Variants in DCDC2C observed in about 807,000 individuals in gnomAD.
DCDC2C encodes doublecortin domain-containing protein 2C.
In DCDC2C, 44 loss-of-function variants were observed where a neutral mutation model predicts 45.0. The observed-to-expected ratio is 0.98, with a 90% CI of 0.77 to 1.26. The LOEUF (loss-of-function observed/expected upper bound fraction) is 1.26. Ranked by LOEUF, DCDC2C falls within the 50% of genes most tolerant of loss-of-function variation. The pLI, the probability that DCDC2C is intolerant of heterozygous loss-of-function variation, is 0.00. For synonymous variants in DCDC2C, 187 were observed against 178.8 expected (o/e 1.05, Z -0.37); for missense variants, 447 against 468.9 (o/e 0.95, Z 0.43).
chr2:3,790,291 T>C (rs1429829709), intron 10 of DCDC2C, among the ~76,000 whole-genome samples: 3 of 152,148 alleles, frequency 2.0e-5, no homozygotes, highest in African/African-American at 4.8e-5. Context: ...ATGATCAAAG[T>C]GGTGGTTTAT....
chr2:3,729,236 C>G (rs1330687364), intron 3 of DCDC2C, among the ~76,000 whole-genome samples: 1 of 152,128 alleles, frequency 6.6e-6, no homozygotes, highest in Non-Finnish European at 1.5e-5. Context: ...GAGCCTGAGA[C>G]CAGAGGGAGA....
chr2:3,753,013 A>G, intron 5 of DCDC2C, 113 bp downstream of exon 5: 1 of 1,194,580 alleles, frequency 8.4e-7, no homozygotes, highest in Non-Finnish European at 1.1e-6. Context: ...CAGTAGTGAA[A>G]TGTAATATTC....
chr2:3,717,853 A>G (rs2148056227), intron 2 of DCDC2C, among the ~76,000 whole-genome samples: 1 of 152,264 alleles, frequency 6.6e-6, no homozygotes, highest in Middle Eastern at 3.4e-3. Context: ...GGTTTTGTGC[A>G]TGCTGTTCCT....
chr2:3,719,093 T>A (rs1034230766), intron 2 of DCDC2C, among the ~76,000 whole-genome samples: 40 of 149,684 alleles, frequency 2.7e-4, no homozygotes, highest in Admixed American at 1.6e-3. Flanking sequence ...GCTGTTTCCT[T>A]TTTTTTTTTT....
At chr2:3,751,054 T>C (rs1276701466) in intron 4 of DCDC2C, among the ~76,000 whole-genome samples, 1 of 152,240 alleles carries the variant, frequency 6.6e-6, no homozygotes, top group Non-Finnish European at 1.5e-5. Context: ...GTATTTCTAC[T>C]TGCTTCTGTT....
In DCDC2C at chr2:3,734,140, G is replaced by A. The variant is rs1261205472; in HGVS notation, c.416+7061G>A. On this transcript the variant is annotated intron_variant, in intron 3 of 10. Transcript: ENST00000399143. The surrounding 1 kb of genome is among the most constrained non-coding windows in gnomAD (Gnocchi z 4.2). ...CATTTCCGTGGCACACCAACATCAC[G>A]TACTGCCCCAAAGGCATGGCGGCTG... is the stretch of plus-strand genomic sequence containing the variant. 2.6e-5 allele frequency among the ~76,000 whole-genome samples: 4 copies of A among 152,172 alleles called. No individual in the cohort carries two copies. The East Asian group carries it at 7.7e-4, about 29-fold the overall frequency.
intron 2 of DCDC2C, among the ~76,000 whole-genome samples, chr2:3,725,637 T>C (rs1423418258): frequency 7.9e-6 from 1 of 125,854 alleles, no homozygotes; most frequent in Non-Finnish European, 1.7e-5. Flanking sequence ...GTGACGAGGA[T>C]GGCCAGGTGG....
At chr2:3,809,261 TC>T (rs1277738167) in intron 10 of DCDC2C, among the ~76,000 whole-genome samples, 2 of 152,228 alleles carry the variant, frequency 1.3e-5, no homozygotes, top group African/African-American at 4.8e-5. Flanking sequence ...ATGTGACTTG[TC>T]AATTTCTGTA....
chr2:3,749,407 C>T (rs1029670896), intron 4 of DCDC2C, among the ~76,000 whole-genome samples: 3 of 152,204 alleles, frequency 2.0e-5, no homozygotes, highest in African/African-American at 7.2e-5. Flanking sequence ...CGCCGTTCTC[C>T]GTATGTGATG....
At chr2:3,813,038 CGT>C (rs1558238578) in intron 10 of DCDC2C, among the ~76,000 whole-genome samples, 15 of 29,988 alleles carry the variant, frequency 5.0e-4, no homozygotes, top group South Asian at 2.2e-3. Flanking sequence ...CTGAGAAGAA[CGT>C]ATATATATAT....
At chr2:3,740,804 C>T (rs1669181658) in intron 3 of DCDC2C, among the ~76,000 whole-genome samples, 1 of 151,956 alleles carries the variant, frequency 6.6e-6, no homozygotes, top group South Asian at 2.1e-4. Flanking sequence ...TGGTGACAAA[C>T]ATATTAAATT....
intron 10 of DCDC2C, among the ~76,000 whole-genome samples, chr2:3,839,905 A>C (rs1326412708): frequency 6.6e-6 from 1 of 152,226 alleles, no homozygotes. Context: ...ACTTTGACAC[A>C]CAGATACACT....
intron 5 of DCDC2C, 52 bp from the exon 6 acceptor site, chr2:3,754,540 A>T (rs1669635609): frequency 3.3e-6 from 5 of 1,535,220 alleles, no homozygotes; most frequent in Non-Finnish European, 4.4e-6. Context: ...TTTTATAGAG[A>T]TAACTTAGGG....
chr2:3,794,995 T>C (rs2148194483), intron 10 of DCDC2C, among the ~76,000 whole-genome samples: 1 of 152,282 alleles, frequency 6.6e-6, no homozygotes, highest in Admixed American at 6.5e-5. Flanking sequence ...TGTAAAAGTG[T>C]TCCTATTTCT....
intron 2 of DCDC2C, among the ~76,000 whole-genome samples, chr2:3,715,582 C>A (rs916144391): frequency 1.4e-4 from 22 of 152,104 alleles, no homozygotes; most frequent in African/African-American, 5.3e-4. Flanking sequence ...AACTTTCCAT[C>A]CATCCATCCA....
chr2:3,820,621 C>T (rs983013320), intron 10 of DCDC2C, among the ~76,000 whole-genome samples: 4 of 152,110 alleles, frequency 2.6e-5, no homozygotes, highest in Non-Finnish European at 4.4e-5. Flanking sequence ...AGTCCGTGAC[C>T]GGTGCCGGAG....
intron 10 of DCDC2C, among the ~76,000 whole-genome samples, chr2:3,836,810 C>T (rs1383518109): frequency 1.4e-5 from 2 of 144,446 alleles, no homozygotes; most frequent in Admixed American, 7.1e-5. Context: ...TGCAGTGAGC[C>T]GAGATCGCGC....
intron 1 of DCDC2C, among the ~76,000 whole-genome samples, chr2:3,705,014 G>A (rs944244264): frequency 3.3e-5 from 5 of 152,124 alleles, no homozygotes; most frequent in Non-Finnish European, 7.4e-5. Flanking sequence ...GTATAGCTTT[G>A]TGTGGGGACA....
chr2:3,786,341 C>T (rs12711975), intron 10 of DCDC2C, among the ~76,000 whole-genome samples: 93,511 of 134,196 alleles, frequency 0.7, 33,436 homozygotes, highest in East Asian at 0.89. Context: ...ACGGAGCCTC[C>T]GGTGTGCGTG....
Sources: allele counts gnomAD v4.1 joint callset (sites outside exome capture counted in the v4.1 genomes callset), GRCh38; gene constraint gnomAD v4.1.1; non-coding constraint Gnocchi (gnomAD v3.1); transcripts MANE v1.5; gene names NCBI Gene and HGNC (gene_info 2026-07-23, HGNC 2026-07-21).